The following LOXHD1 variants were observed in gnomAD, a reference collection of about 807,000 sequenced individuals.
The protein encoded by LOXHD1 is lipoxygenase homology PLAT domains 1, also known as lipoxygenase homology domain-containing protein 1.
A neutral mutation model predicts 248.2 loss-of-function variants in LOXHD1; 205 were observed. That is an observed-to-expected ratio of 0.83 (90% CI 0.74 to 0.93). The LOEUF is 0.93. Ranked by LOEUF, LOXHD1 falls within the 40% of genes least tolerant of loss-of-function variation. LOXHD1 has a pLI of 0.00. For synonymous variants in LOXHD1, 1,113 were observed against 1,162.8 expected, an observed-to-expected ratio of 0.96 and a Z score of 0.87; for missense variants, 2,930 against 2,971.6, an observed-to-expected ratio of 0.99 and a Z score of 0.33.
At chr18:46,589,940 TA>T (rs2038134749) in intron 12 of LOXHD1, among the ~76,000 whole-genome samples, 1 of 152,170 alleles carries the variant, frequency 6.6e-6, no homozygotes. Context: ...CATTACAAAT[TA>T]AAATAGATTT....
chr18:46,588,900 G>A (rs2144209219), intron 12 of LOXHD1, among the ~76,000 whole-genome samples: 1 of 152,274 alleles, frequency 6.6e-6, no homozygotes, highest in African/African-American at 2.4e-5. Flanking sequence ...GAGGTGAAGT[G>A]TACCAAGGTC....
At chr18:46,509,902 T>C in intron 34 of LOXHD1, 87 bp from the exon 35 acceptor site, 2 of 976,792 alleles carry the variant, frequency 2.0e-6, no homozygotes, top group Non-Finnish European at 3.2e-6. Context: ...AGGTTTGGGG[T>C]GAGGGAGAAG....
intron 31 of LOXHD1, among the ~76,000 whole-genome samples, chr18:46,523,732 G>T (rs2035691358): frequency 6.6e-6 from 1 of 151,642 alleles, no homozygotes; most frequent in Admixed American, 6.6e-5. Flanking sequence ...CTTTACAGGG[G>T]GAGCCTTTCC....
rs34723936 is a variant in LOXHD1 at position 46,566,324 on chromosome 18, G to A, written c.2370C>T (p.Asp790=). ...CCAGGCGCCCGTCAGCCTGGTTCTT[G>A]TCCAGCCAGCGGTTGGCGGGAAAGG... ...QYTFPANRWL[D]KNQADGRLEV... Residue 790 remains aspartate (D), a synonymous_variant, in exon 17 of 41, where the codon GAC becomes GAT. Coordinates refer to ENST00000642948, the MANE Select transcript of LOXHD1 (RefSeq NM_001384474.1). The A allele has an allele frequency of 4.7e-3, 7,268 of 1,551,864 alleles. 193 individuals carry two copies. In the African/African-American group the frequency reaches 0.054, roughly 12 times the overall value.
Position 46,542,800 on chromosome 18 carries a change from G to T in LOXHD1, c.3675C>A (p.Ser1225Arg), listed in dbSNP as rs1456925798. 1 of 1,551,622 alleles carries T rather than the reference G, an allele frequency of 6.4e-7. No individual in the cohort carries two copies. Among genetic ancestry groups the T allele is most frequent in the Non-Finnish European group, 8.7e-7 (1 of 1,147,004 alleles). Reference sequence around the variant, plus strand: ...GCGTCTCCACCGTGAAGATTTCAATGCTGTCCCTCTCAAACTTATCGCTGT... The same window carrying T: ...GCGTCTCCACCGTGAAGATTTCAATTCTGTCCCTCTCAAACTTATCGCTGT... The part of the protein sequence containing the change: ...KTNSDKFERD[S>R]IEIFTVETLD... Residue 1225 changes from serine to arginine, a missense_variant, in exon 24 of 41, where the codon AGC becomes AGA. By Grantham distance (110) the Ser-to-Arg change is moderately radical. Transcript: ENST00000642948.
rs1283539242 is a variant in LOXHD1 at position 46,538,347 on chromosome 18, G to A, written c.3914-10C>T. 4.5e-6 allele frequency: 7 copies of A among 1,541,166 alleles called. No homozygotes were observed. Among genetic ancestry groups the A allele is most frequent in the Non-Finnish European group, 8.8e-7 (1 of 1,138,108 alleles). On this transcript the variant is annotated splice_polypyrimidine_tract_variant and intron_variant, in intron 25 of 40. Transcript: ENST00000642948. ...ATCTCGTAAGGAACAACTGAGGGTG[G>A]TGGTCAGAGGGCAAAGCCAGAGTGG... is the stretch of plus-strand genomic sequence containing the variant.
chr18:46,559,763 C>T (rs1263551338), intron 19 of LOXHD1, among the ~76,000 whole-genome samples, 161 bp from the exon 20 acceptor site: 1 of 152,194 alleles, frequency 6.6e-6, no homozygotes, highest in East Asian at 1.9e-4. Flanking sequence ...CAACCCAAGA[C>T]TCCTTTACCA....
chr18:46,609,150 A>C (rs1276994512), intron 6 of LOXHD1, among the ~76,000 whole-genome samples: 1 of 152,212 alleles, frequency 6.6e-6, no homozygotes, highest in African/African-American at 2.4e-5. Flanking sequence ...TCTGGAACAT[A>C]GATAAGATGC....
intron 24 of LOXHD1, 113 bp from the exon 25 acceptor site, chr18:46,542,053 A>ATGATAT: frequency 1.1e-6 from 1 of 937,814 alleles, no homozygotes; most frequent in Non-Finnish European, 1.6e-6. Context: ...GATATCATTA[A>ATGATAT]CATGACATCC....
chr18:46,582,938 G>A (rs760331456), intron 12 of LOXHD1, among the ~76,000 whole-genome samples: 2 of 152,122 alleles, frequency 1.3e-5, no homozygotes, highest in Non-Finnish European at 2.9e-5. Flanking sequence ...GTTAAGGAAG[G>A]CTTTCTTATC....
At chr18:46,558,152 G>A (rs11082538) in intron 20 of LOXHD1, 2 of 770,068 alleles carry the variant, frequency 2.6e-6, no homozygotes, top group African/African-American at 1.9e-5. Context: ...ATAGTATGAT[G>A]AAAGTTCATA....
At chr18:46,501,883 A>G (rs1335959053) in intron 37 of LOXHD1, among the ~76,000 whole-genome samples, 1 of 152,212 alleles carries the variant, frequency 6.6e-6, no homozygotes, top group Non-Finnish European at 1.5e-5. Context: ...ATCAGGTAGG[A>G]GGATGAAAAC....
chr18:46,538,274 A>G lies in LOXHD1; in HGVS notation c.3977T>C (p.Ile1326Thr), dbSNP rs1451978070. Residue 1326 changes from isoleucine (I) to threonine (T), a missense_variant, in exon 26 of 41, where the codon ATC becomes ACC. Coordinates refer to ENST00000642948, the MANE Select transcript of LOXHD1 (RefSeq NM_001384474.1). ...ATCGCAGCCATAGATGATGATGAAG[A>G]TGTTGGCATCTGTCCCAGCAGCAAA... ...DVFAAGTDAN[I>T]FIIIYGCDAV... 6 of 1,551,408 alleles carry G rather than the reference A, an allele frequency of 3.9e-6. No individual in the cohort carries two copies. In the Admixed American group the frequency reaches 9.8e-5, roughly 25 times the overall value.
At chr18:46,520,122 G>C (rs1002712592) in intron 33 of LOXHD1, among the ~76,000 whole-genome samples, 5 of 152,194 alleles carry the variant, frequency 3.3e-5, no homozygotes, top group Admixed American at 1.3e-4. Context: ...AGATGTCTGG[G>C]GGGTAGGGGA....
chr18:46,524,724 C>T lies in LOXHD1; in HGVS notation c.4724G>A (p.Arg1575Lys). ...TTGGCTCACCTTCTCGTAAAAGAGC[C>T]TCTCGAGTCGCCCATCCTCCTTCTT... The part of the protein sequence containing the change: ...SLKKEDGRLE[R>K]LFYEKEYTGD... Residue 1575 changes from arginine (R) to lysine (K), a missense_variant, in exon 30 of 41, where the codon AGG becomes AAG. Arg to Lys is a conservative substitution (Grantham distance 26). Transcript: ENST00000642948. The T allele has an allele frequency of 6.4e-7, 1 of 1,551,774 alleles. No individual in the cohort carries two copies.
At chr18:46,597,511 C>T (rs2038273709) in intron 8 of LOXHD1, among the ~76,000 whole-genome samples, 1 of 150,598 alleles carries the variant, frequency 6.6e-6, no homozygotes, top group African/African-American at 2.5e-5. Flanking sequence ...TATCTACCAC[C>T]TTAGTGGTAT....
At chr18:46,568,598 A>T (rs1308547224) in intron 16 of LOXHD1, among the ~76,000 whole-genome samples, 1 of 152,164 alleles carries the variant, frequency 6.6e-6, no homozygotes, top group Non-Finnish European at 1.5e-5. Context: ...CTCTTGAAGG[A>T]TAAGACCCTC....
At chr18:46,602,853 AC>A (rs1417132002) in intron 7 of LOXHD1, among the ~76,000 whole-genome samples, 1 of 152,288 alleles carries the variant, frequency 6.6e-6, no homozygotes, top group East Asian at 1.9e-4. Flanking sequence ...CATCAGATAT[AC>A]TTTCATCGTT....
At position 46,483,693 on chromosome 18, in the gene LOXHD1, A is replaced by G; in HGVS notation, c.6235T>C (p.Ser2079Pro). 6.4e-7 allele frequency: 1 copy of G among 1,551,704 alleles called. No individual in the cohort carries two copies. Among genetic ancestry groups the G allele is most frequent in the Non-Finnish European group, 8.7e-7 (1 of 1,147,002 alleles). ...CTGGCAAGGTGGCCCACACAGAGGG[A>G]GGCAATGTCCCCCAAGTAGATGCTG... ...FDSIYLGDIA[S>P]LCVGHLARED... is the part of the protein sequence containing the mutation. Residue 2079 changes from serine (S) to proline (P), a missense_variant, in exon 40 of 41, where the codon TCC becomes CCC. Ser to Pro is a moderately conservative substitution (Grantham distance 74). Transcript: ENST00000642948.
Sources: gnomAD v4.1 joint callset for allele counts (sites outside exome capture counted in the v4.1 genomes callset) on GRCh38, gnomAD v4.1.1 for gene constraint, MANE v1.5 for transcripts, NCBI Gene and HGNC (gene_info 2026-07-23, HGNC 2026-07-21) for gene names.